DLG2: variants seen among roughly 807,000 people sequenced by gnomAD.
DLG2 encodes the protein discs large MAGUK scaffold protein 2.
A neutral mutation model predicts 132.5 loss-of-function variants in DLG2; 45 were observed. The ratio of observed to expected loss-of-function variants is 0.34; its 90% CI spans 0.27 to 0.44. DLG2 has a LOEUF of 0.44. Among genes scored for constraint, DLG2 ranks in the 20% least tolerant of loss-of-function variants. The probability of loss-of-function intolerance (pLI) is 1.00; values close to 1 mark genes in which losing one functional copy is unlikely to be tolerated. For missense variants in DLG2, 1,045 were observed against 1,196.9 expected, an observed-to-expected ratio of 0.87 and a Z score of 1.87; for synonymous variants, 424 against 419.6, an observed-to-expected ratio of 1.01 and a Z score of -0.13.
intron 16 of DLG2, among the ~76,000 whole-genome samples, chr11:83,858,519 T>G (rs2060914090): frequency 6.6e-6 from 1 of 152,084 alleles, no homozygotes; most frequent in Admixed American, 6.6e-5. Context: ...GGTCTTGAAT[T>G]TGTTGTGGCC....
intron 4 of DLG2, among the ~76,000 whole-genome samples, chr11:85,156,002 G>A (rs899767335): frequency 8.6e-5 from 13 of 152,002 alleles, no homozygotes; most frequent in Non-Finnish European, 1.5e-4. Flanking sequence ...CCTAGCAGTC[G>A]GCCTCAGTTT....
intron 6 of DLG2, among the ~76,000 whole-genome samples, chr11:84,954,839 G>C (rs1204732391): frequency 1.3e-5 from 2 of 152,000 alleles, no homozygotes; most frequent in African/African-American, 4.8e-5. Flanking sequence ...ATAAGTATAC[G>C]CTAGGCACCG....
intron 6 of DLG2, among the ~76,000 whole-genome samples, chr11:84,798,810 C>A (rs1017252052): frequency 2.0e-5 from 3 of 152,154 alleles, no homozygotes; most frequent in African/African-American, 7.2e-5. Flanking sequence ...AGGACTACAT[C>A]CTTCCCTTCA....
At chr11:85,588,663 A>G (rs1429242068) in intron 3 of DLG2, among the ~76,000 whole-genome samples, 1 of 152,086 alleles carries the variant, frequency 6.6e-6, no homozygotes, top group East Asian at 1.9e-4. Context: ...TCAACCTTCT[A>G]AATTCTTTAT....
chr11:84,844,326 T>C (rs962833950), intron 6 of DLG2, among the ~76,000 whole-genome samples: 3 of 151,600 alleles, frequency 2.0e-5, no homozygotes, highest in African/African-American at 7.3e-5. Flanking sequence ...ATGTGTAAAG[T>C]GGCTAGCACA....
chr11:84,281,692 A>G lies in DLG2; in HGVS notation c.520-30401T>C, dbSNP rs140588414. Among the ~76,000 whole-genome samples the G allele has an allele frequency of 4.9e-4, 74 of 151,892 alleles. No individual in the cohort carries two copies. The East Asian group carries it at 0.013, about 27-fold the overall frequency. On this transcript the variant is annotated intron_variant, in intron 7 of 27. Transcript: ENST00000376104. The stretch of plus-strand genomic sequence containing the variant: ...AAAATTCAATCAGAAAAAAAAACCC[A>G]AAAATGAGCCAAAGATTTAAACAGA...
chr11:84,089,921 G>C (rs2097060067), intron 10 of DLG2, among the ~76,000 whole-genome samples: 2 of 152,210 alleles, frequency 1.3e-5, no homozygotes, highest in East Asian at 3.9e-4. Context: ...TTGCCAAGTG[G>C]AGGCTGTCAT....
chr11:84,600,167 A>G (rs7943512), intron 6 of DLG2, among the ~76,000 whole-genome samples: 5,032 of 70,004 alleles, frequency 0.072, 66 homozygotes, highest in African/African-American at 0.12. Context: ...AAGGAAAGAA[A>G]GAAAGAAAGA....
At chr11:84,738,385 G>A (rs933938131) in intron 6 of DLG2, among the ~76,000 whole-genome samples, 1 of 151,882 alleles carries the variant, frequency 6.6e-6, no homozygotes, top group Non-Finnish European at 1.5e-5. Context: ...GCAAGGTAGT[G>A]AGATAAAATA....
At chr11:85,069,462 A>C (rs1406713279) in intron 6 of DLG2, among the ~76,000 whole-genome samples, 2 of 152,296 alleles carry the variant, frequency 1.3e-5, no homozygotes, top group South Asian at 2.1e-4. Flanking sequence ...ACAAGAAAAA[A>C]ACAAACAACC....
chr11:83,514,009 C>G (rs928996280), intron 21 of DLG2, among the ~76,000 whole-genome samples: 2 of 152,012 alleles, frequency 1.3e-5, no homozygotes, highest in Non-Finnish European at 2.9e-5. Context: ...CTTGGCAATG[C>G]GGGCTCTTTT....
intron 11 of DLG2, among the ~76,000 whole-genome samples, chr11:84,057,359 G>A (rs962427862): frequency 5.3e-5 from 8 of 152,060 alleles, no homozygotes; most frequent in Non-Finnish European, 1.0e-4. Flanking sequence ...GGGCTATGCT[G>A]AATAATTACA....
intron 6 of DLG2, among the ~76,000 whole-genome samples, chr11:85,041,974 G>T (rs772670101): frequency 6.6e-6 from 1 of 151,516 alleles, no homozygotes; most frequent in Non-Finnish European, 1.5e-5. Context: ...TTACCTATTG[G>T]GTACAACGTA....
intron 6 of DLG2, among the ~76,000 whole-genome samples, chr11:84,941,789 C>A (rs1205339861): frequency 3.3e-5 from 5 of 151,586 alleles, no homozygotes; most frequent in Admixed American, 2.6e-4. Flanking sequence ...CTCCTCTTCT[C>A]TTTTTCAGAA....
Position 85,111,710 on chromosome 11 carries a change from T to C in DLG2, c.308A>G (p.Gln103Arg). ...TTQNQGRCPA[Q>R]NCSVEAPAWM... is the part of the protein sequence containing the mutation. ...AGCAGGGGCTTCCACTGAACAATTCTGGGCTGGGCATCTGCCTTGGTTTTG... is the reference window on the plus strand; with the variant it reads ...AGCAGGGGCTTCCACTGAACAATTCCGGGCTGGGCATCTGCCTTGGTTTTG... The change falls in exon 6 of 28, where the codon CAG (glutamine) becomes CGG (arginine). Residue 103 changes from glutamine (Q) to arginine (R), a missense_variant. This residue lies in a region of DLG2 where 277 missense variants were observed against 238.2 expected (regional missense o/e 1.16). Transcript: ENST00000376104. 2 of 1,561,996 alleles carry C rather than the reference T, an allele frequency of 1.3e-6. No individual in the cohort carries two copies. The highest frequency in any genetic ancestry group is 1.7e-6 in the Non-Finnish European group (2 of 1,152,428).
At chr11:84,711,408 C>T (rs1342433167) in intron 6 of DLG2, among the ~76,000 whole-genome samples, 3 of 129,080 alleles carry the variant, frequency 2.3e-5, no homozygotes, top group East Asian at 5.5e-4. Context: ...TCCTCCCCCA[C>T]CCCCTCCCCC....
intron 5 of DLG2, among the ~76,000 whole-genome samples, chr11:85,114,134 G>A (rs2073189003): frequency 6.6e-6 from 1 of 151,892 alleles, no homozygotes; most frequent in South Asian, 2.1e-4. Context: ...AGAAGGAAAG[G>A]GATTTAAAAT....
intron 4 of DLG2, among the ~76,000 whole-genome samples, chr11:85,219,456 C>T (rs1291865740): frequency 6.6e-6 from 1 of 151,988 alleles, no homozygotes; most frequent in Non-Finnish European, 1.5e-5. Flanking sequence ...ACTCCAGTGC[C>T]TAACATACTG....
At chr11:85,227,694 C>T (rs948220165) in intron 4 of DLG2, among the ~76,000 whole-genome samples, 3 of 151,982 alleles carry the variant, frequency 2.0e-5, no homozygotes, top group African/African-American at 7.2e-5. Flanking sequence ...TGTTCAAAAC[C>T]CCCTCCAATG....
Sources: gnomAD v4.1 joint callset for allele counts (sites outside exome capture counted in the v4.1 genomes callset) on GRCh38, gnomAD v4.1.1 for gene constraint, gnomAD v4.1.1 regional missense constraint, MANE v1.5 for transcripts, NCBI Gene and HGNC (gene_info 2026-07-23, HGNC 2026-07-21) for gene names.